The following NEMP2 variants were observed in gnomAD, a reference collection of about 807,000 sequenced individuals.
The protein encoded by NEMP2 is UPF0571 transmembrane protein.
Under a neutral mutation model 54.2 loss-of-function variants are expected in NEMP2, and 53 were observed. That is an observed-to-expected ratio of 0.98 (90% CI 0.78 to 1.23). The LOEUF (loss-of-function observed/expected upper bound fraction) is 1.23, where lower values mean the gene tolerates loss of function less well. Among genes scored for constraint, NEMP2 ranks in the 50% most tolerant of loss-of-function variants. The pLI, the probability that NEMP2 is intolerant of heterozygous loss-of-function variation, is 0.00. For synonymous variants in NEMP2, 197 were observed against 190.3 expected, an observed-to-expected ratio of 1.04 and a Z score of -0.29; for missense variants, 455 against 511.3, an observed-to-expected ratio of 0.89 and a Z score of 1.06.
chr2:190,583,356 T>C, the NEMP2 span, among the ~76,000 whole-genome samples: 1 of 152,148 alleles, frequency 6.6e-6, no homozygotes, highest in African/African-American at 2.4e-5. Context: ...ATGAAGGCCT[T>C]GTTCTGAATT....
the NEMP2 span, among the ~76,000 whole-genome samples, chr2:190,491,252 T>C: frequency 6.6e-6 from 1 of 152,186 alleles, no homozygotes; most frequent in Non-Finnish European, 1.5e-5. The surrounding 1 kb of genome is among the most constrained non-coding windows in gnomAD (Gnocchi z 4.2). Context: ...ATTGGGAAAA[T>C]GGCAAGATAG....
chr2:190,453,764 G>A, the NEMP2 span, among the ~76,000 whole-genome samples: 8 of 152,186 alleles, frequency 5.3e-5, no homozygotes, highest in South Asian at 1.0e-3. Context: ...AGCACAGAAC[G>A]GAAGAGAATA....
chr2:190,544,223 C>T, the NEMP2 span, among the ~76,000 whole-genome samples: 2 of 152,040 alleles, frequency 1.3e-5, no homozygotes, highest in South Asian at 2.1e-4. Context: ...TGTTGTATCA[C>T]GTTTTTCTTA....
At chr2:190,590,349 T>C in the NEMP2 span, among the ~76,000 whole-genome samples, 1 of 152,206 alleles carries the variant, frequency 6.6e-6, no homozygotes, top group Non-Finnish European at 1.5e-5. This position sits in a 1 kb window ranked among gnomAD's most constrained non-coding sequence, Gnocchi z 5.1. Context: ...ATGCCATGTT[T>C]TGGGCTGTCT....
chr2:190,584,907 G>GA, the NEMP2 span, among the ~76,000 whole-genome samples: 1 of 21,614 alleles, frequency 4.6e-5, no homozygotes, highest in Non-Finnish European at 1.2e-4. The surrounding 1 kb of genome is among the most constrained non-coding windows in gnomAD (Gnocchi z 4.2). Context: ...ATGAAAGAAA[G>GA]AAAGAAAGAA....
chr2:190,587,281 A>T, the NEMP2 span, among the ~76,000 whole-genome samples: 2 of 152,192 alleles, frequency 1.3e-5, no homozygotes, highest in Non-Finnish European at 2.9e-5. This position sits in a 1 kb window ranked among gnomAD's most constrained non-coding sequence, Gnocchi z 5.4. Flanking sequence ...CTTACTGACC[A>T]TTATAAAAGA....
the NEMP2 span, among the ~76,000 whole-genome samples, chr2:190,584,919 G>GAA: frequency 9.6e-6 from 1 of 104,620 alleles, no homozygotes; most frequent in Non-Finnish European, 2.2e-5. The surrounding 1 kb of genome is among the most constrained non-coding windows in gnomAD (Gnocchi z 4.2). Flanking sequence ...AAGAAAGAAA[G>GAA]AAAGAAAGAA....
chr2:190,636,117 G>A, the NEMP2 span, among the ~76,000 whole-genome samples: 5 of 152,084 alleles, frequency 3.3e-5, no homozygotes, highest in African/African-American at 1.2e-4. Context: ...CTCCTGCCTT[G>A]GCCTCCCAAA....
At chr2:190,599,499 G>T in the NEMP2 span, among the ~76,000 whole-genome samples, 1 of 152,224 alleles carries the variant, frequency 6.6e-6, no homozygotes, top group East Asian at 1.9e-4. Context: ...TTCCATATTT[G>T]CTACTGATTA....
the NEMP2 span, among the ~76,000 whole-genome samples, chr2:190,631,710 C>T: frequency 6.6e-6 from 1 of 152,094 alleles, no homozygotes; most frequent in African/African-American, 2.4e-5. Flanking sequence ...TTCTCAAATC[C>T]TCACTTACCC....
the NEMP2 span, chr2:190,488,931 C>T: frequency 9.5e-7 from 1 of 1,051,784 alleles, no homozygotes; most frequent in African/African-American, 1.6e-5. The surrounding 1 kb of genome is among the most constrained non-coding windows in gnomAD (Gnocchi z 6.4). Context: ...AGCTAAATTC[C>T]AGTATTCATA....
Position 190,531,664 on chromosome 2 carries a change from T to C in NEMP2, c.97+2895A>G, listed in dbSNP as rs1483749936. ...ATATTCAATTAATCTAATTTTAGAA[T>C]TACATATCTAGTATAAAAAAGGGAC... On this transcript the variant is annotated intron_variant, in intron 1 of 8. Coordinates refer to ENST00000409150, the MANE Select transcript of NEMP2 (RefSeq NM_001142645.2). This position sits in a 1 kb window ranked among gnomAD's most constrained non-coding sequence, Gnocchi z 4.7. 6.6e-6 allele frequency among the ~76,000 whole-genome samples: 1 copy of C among 152,200 alleles called. No homozygotes were observed. Among genetic ancestry groups the C allele is most frequent in the African/African-American group, 2.4e-5 (1 of 41,456 alleles).
chr2:190,450,437 G>A, the NEMP2 span, among the ~76,000 whole-genome samples: 2 of 147,164 alleles, frequency 1.4e-5, no homozygotes, highest in Admixed American at 1.3e-4. Context: ...TCTTTAAATA[G>A]TAGTCTATAG....
chr2:190,509,539 G>C lies in NEMP2; in HGVS notation c.1131-227C>G, dbSNP rs760072599. Reference sequence around the variant, plus strand: ...ATTAGGGCAGATATATAAGCACTAAGTAAGCCAAATGTACTCACTCCTGTT... The same window carrying C: ...ATTAGGGCAGATATATAAGCACTAACTAAGCCAAATGTACTCACTCCTGTT... On this transcript the variant is annotated intron_variant, in intron 8 of 8. Coordinates refer to ENST00000409150, the MANE Select transcript of NEMP2 (RefSeq NM_001142645.2). The surrounding 1 kb of genome is among the most constrained non-coding windows in gnomAD (Gnocchi z 6.1). 1.5e-4 allele frequency among the ~76,000 whole-genome samples: 23 copies of C among 152,294 alleles called. No homozygotes were observed. Among genetic ancestry groups the C allele is most frequent in the East Asian group, 3.9e-4 (2 of 5,192 alleles).
the NEMP2 span, among the ~76,000 whole-genome samples, chr2:190,549,937 A>G: frequency 6.6e-6 from 1 of 152,236 alleles, no homozygotes; most frequent in South Asian, 2.1e-4. Flanking sequence ...ACTTTTCAGT[A>G]GCAGAACTAG....
rs1321042667 is a variant in NEMP2, at chr2:190,530,765, C to G, written c.97+3794G>C. Among the ~76,000 whole-genome samples, 8 of 152,226 alleles carry G rather than the reference C, an allele frequency of 5.3e-5. No homozygotes were observed. The highest frequency in any genetic ancestry group is 1.9e-4 in the African/African-American group (8 of 41,450). On this transcript the variant is annotated intron_variant, in intron 1 of 8. Coordinates refer to ENST00000409150, the MANE Select transcript of NEMP2 (RefSeq NM_001142645.2). This position sits in a 1 kb window ranked among gnomAD's most constrained non-coding sequence, Gnocchi z 4.6. ...CTGACACTGAAGGCTATGAAGCTGCCTGCATGTCTGCGGGTTTCATTTATT... is the reference window on the plus strand; with the variant it reads ...CTGACACTGAAGGCTATGAAGCTGCGTGCATGTCTGCGGGTTTCATTTATT...
the NEMP2 span, among the ~76,000 whole-genome samples, chr2:190,487,256 G>A: frequency 2.6e-5 from 4 of 152,138 alleles, no homozygotes; most frequent in Non-Finnish European, 4.4e-5. This position sits in a 1 kb window ranked among gnomAD's most constrained non-coding sequence, Gnocchi z 5.5. Flanking sequence ...CAGGAGGATC[G>A]CTTGAACCCA....
the NEMP2 span, among the ~76,000 whole-genome samples, chr2:190,579,425 A>G: frequency 1.2e-4 from 18 of 152,044 alleles, no homozygotes; most frequent in African/African-American, 4.1e-4. Flanking sequence ...GACCAGTTGT[A>G]GGGTGTTTAG....
At chr2:190,613,850 A>T in the NEMP2 span, among the ~76,000 whole-genome samples, 7 of 152,048 alleles carry the variant, frequency 4.6e-5, no homozygotes, top group East Asian at 1.2e-3. Context: ...TCGGCCTCCT[A>T]AAGTGCTGGG....
Sources: allele counts gnomAD v4.1 joint callset (sites outside exome capture counted in the v4.1 genomes callset), GRCh38; gene constraint gnomAD v4.1.1; non-coding constraint Gnocchi (gnomAD v3.1); transcripts MANE v1.5; gene names NCBI Gene and HGNC (gene_info 2026-07-23, HGNC 2026-07-21).